Variants in BDKRB2 observed in about 807,000 individuals in gnomAD.
The protein encoded by BDKRB2 is bradykinin receptor B2, also known as B2 bradykinin receptor.
BDKRB2 carries 6 observed loss-of-function variants against 4.0 expected under a neutral mutation model. That is an observed-to-expected ratio of 1.49 (90% CI 0.81 to 2.93). The LOEUF is 2.93. BDKRB2 is among the 30% of genes most tolerant of loss of function. The pLI is 0.00. For synonymous variants in BDKRB2, 225 were observed against 215.3 expected (o/e 1.05, Z -0.40); for missense variants, 478 against 520.1 (o/e 0.92, Z 0.79).
In BDKRB2 at chr14:96,241,181, C is replaced by A; in HGVS notation, c.853C>A (p.Pro285Thr). The change falls in exon 3 of 3, where the codon CCC becomes ACC. Residue 285 changes from proline (P) to threonine (T), a missense_variant. Transcript: ENST00000554311. ...GCTGCTATTCATCATCTGCTGGCTGCCCTTCCAGATCAGCACCTTCCTGGA... is the reference window on the plus strand; with the variant it reads ...GCTGCTATTCATCATCTGCTGGCTGACCTTCCAGATCAGCACCTTCCTGGA... ...VLLLFIICWLPFQISTFLDTL... is the reference protein window; with the variant it reads ...VLLLFIICWLTFQISTFLDTL... 6.2e-7 allele frequency: 1 copy of A among 1,605,232 alleles called. No individual in the cohort carries two copies. Among genetic ancestry groups the A allele is most frequent in the Admixed American group, 1.7e-5 (1 of 59,802 alleles).
In BDKRB2 at chr14:96,240,964, C is replaced by T; in HGVS notation, c.636C>T (p.Val212=). 1.2e-5 allele frequency: 19 copies of T among 1,593,380 alleles called. No homozygotes were observed. The highest frequency in any genetic ancestry group is 1.6e-5 in the Non-Finnish European group (19 of 1,168,264). The change falls in exon 3 of 3, where the codon GTC becomes GTT. Residue 212 remains valine, a synonymous_variant. Transcript: ENST00000554311. ...AGGGCCACAACGTCACCGCTTGTGT[C>T]ATCAGCTACCCATCCCTCATCTGGG... ...SDEGHNVTAC[V]ISYPSLIWEV...
At chr14:96,225,216 T>C (rs1890665405) in intron 1 of BDKRB2, among the ~76,000 whole-genome samples, 1 of 152,104 alleles carries the variant, frequency 6.6e-6, no homozygotes, top group South Asian at 2.1e-4. Flanking sequence ...TCCAGAATCA[T>C]CTGTTACATC....
chr14:96,236,987 T>G, intron 1 of BDKRB2, 82 bp from the exon 2 acceptor site: 1 of 841,200 alleles, frequency 1.2e-6, no homozygotes, highest in South Asian at 1.5e-5. Flanking sequence ...GCAGTCTCCA[T>G]TTCTCCTCCC....
At chr14:96,238,781 C>T in intron 2 of BDKRB2, 1 of 985,858 alleles carries the variant, frequency 1.0e-6, no homozygotes, top group Non-Finnish European at 1.2e-6. Context: ...AACCCCTTAC[C>T]CACCAGCCCC....
intron 1 of BDKRB2, among the ~76,000 whole-genome samples, chr14:96,221,298 G>A (rs1324829164): frequency 2.0e-5 from 3 of 152,142 alleles, no homozygotes; most frequent in African/African-American, 7.2e-5. Context: ...TCATAAATTT[G>A]TTGAATGAAT....
chr14:96,236,710 C>T (rs1890942807), intron 1 of BDKRB2, among the ~76,000 whole-genome samples: 1 of 152,218 alleles, frequency 6.6e-6, no homozygotes, highest in Non-Finnish European at 1.5e-5. Flanking sequence ...TCCTCCTGCA[C>T]CATCATCCCT....
In BDKRB2 at chr14:96,217,970, C is replaced by G. The variant is rs75472007; in HGVS notation, c.-40+13011C>G. ...GTATGCAGAGTCACCCAGGTCCCCACTTACGAGCCTGTGAGATGGGATAAA... is the reference window on the plus strand; with the variant it reads ...GTATGCAGAGTCACCCAGGTCCCCAGTTACGAGCCTGTGAGATGGGATAAA... On this transcript the variant is annotated intron_variant, in intron 1 of 2. Transcript: ENST00000554311. Among the ~76,000 whole-genome samples, 683 of 152,238 alleles carry G rather than the reference C, an allele frequency of 4.5e-3. 5 individuals are homozygous for G. Among genetic ancestry groups the G allele is most frequent in the Non-Finnish European group, 8.0e-3 (547 of 68,030 alleles).
intron 1 of BDKRB2, among the ~76,000 whole-genome samples, chr14:96,232,694 T>C (rs1428785744): frequency 6.6e-6 from 1 of 152,150 alleles, no homozygotes; most frequent in Non-Finnish European, 1.5e-5. Context: ...ATTACGCACA[T>C]AGAAAGGCGT....
chr14:96,237,221 G>A (rs751477938), intron 2 of BDKRB2, 40 bp downstream of exon 2: 3 of 1,553,848 alleles, frequency 1.9e-6, no homozygotes, highest in African/African-American at 1.4e-5. Flanking sequence ...GTTAGGGGAG[G>A]TGGGCAGACA....
rs1054547791 is a variant in BDKRB2, at chr14:96,223,077, A to G, written c.-39-13992A>G. ...TGGGAGTTGCTTGGAGGTTGGCGGC[A>G]CAGGGCTGAAGGCTAGCAAACCGAG... is the stretch of plus-strand genomic sequence containing the variant. On this transcript the variant is annotated intron_variant, in intron 1 of 2. Transcript: ENST00000554311. The G allele has an allele frequency of 7.2e-6, 7 of 978,900 alleles. No homozygotes were observed. The African/African-American group carries it at 9.6e-5, about 13-fold the overall frequency. 60.6% of individuals were successfully genotyped at this position (978,900 alleles called of 1,614,324 possible).
intron 1 of BDKRB2, among the ~76,000 whole-genome samples, chr14:96,206,313 G>T (rs995963036): frequency 6.6e-6 from 1 of 152,136 alleles, no homozygotes; most frequent in Non-Finnish European, 1.5e-5. Flanking sequence ...CCTCATCCCA[G>T]CTCTCCCTGC....
intron 1 of BDKRB2, among the ~76,000 whole-genome samples, chr14:96,225,194 T>C (rs1016594747): frequency 1.3e-5 from 2 of 152,120 alleles, no homozygotes; most frequent in African/African-American, 4.8e-5. Context: ...ACATTACGGT[T>C]GTACAAAGGT....
rs369834011 is a variant in BDKRB2, at chr14:96,237,031, C to A, written c.-39-38C>A. ...AATGCGTGTATTTTGCAATCCCCAG[C>A]CCCTGTGCCATCTAACCATCTTTTC... is the stretch of plus-strand genomic sequence containing the variant. On this transcript the variant is annotated intron_variant, in intron 1 of 2. Coordinates refer to ENST00000554311, the MANE Select transcript of BDKRB2 (RefSeq NM_001379692.1). The A allele has an allele frequency of 8.9e-6, 11 of 1,239,840 alleles. No individual in the cohort carries two copies. In the Middle Eastern group the frequency reaches 5.6e-4, roughly 63 times the overall value. 76.8% of individuals were successfully genotyped at this position (1,239,840 alleles called of 1,614,324 possible).
At chr14:96,237,935 C>T (rs1890975954) in intron 2 of BDKRB2, 1 of 1,220,282 alleles carries the variant, frequency 8.2e-7, no homozygotes, top group African/African-American at 1.6e-5. Context: ...TGAGTTAGCT[C>T]ATGAAAGATG....
Position 96,204,895 on chromosome 14 carries a change from G to A in BDKRB2, c.-104G>A, listed in dbSNP as rs924484725. On this transcript the variant is annotated 5_prime_UTR_variant, in exon 1 of 3. Transcript: ENST00000554311. ...GGGTGGGGACGGTGGGGACGGTGGGGACATCAGGCTGCCCCGCAGTACCAG... is the reference window on the plus strand; with the variant it reads ...GGGTGGGGACGGTGGGGACGGTGGGAACATCAGGCTGCCCCGCAGTACCAG... 3 of 282,248 alleles carry A rather than the reference G, an allele frequency of 1.1e-5. No homozygotes were observed. Among genetic ancestry groups the A allele is most frequent in the African/African-American group, 2.4e-5 (1 of 42,268 alleles). 17.5% of individuals were successfully genotyped at this position (282,248 alleles called of 1,614,324 possible).
At chr14:96,205,313 C>T (rs1227146818) in intron 1 of BDKRB2, among the ~76,000 whole-genome samples, 1 of 152,096 alleles carries the variant, frequency 6.6e-6, no homozygotes, top group Non-Finnish European at 1.5e-5. Flanking sequence ...GCAGCAGGGA[C>T]GGGTGCTGGG....
intron 1 of BDKRB2, among the ~76,000 whole-genome samples, chr14:96,234,988 T>C (rs550632793): frequency 6.6e-6 from 1 of 152,288 alleles, no homozygotes; most frequent in Admixed American, 6.5e-5. Flanking sequence ...AGGCTGGTCT[T>C]CATTCTTCCC....
intron 1 of BDKRB2, among the ~76,000 whole-genome samples, chr14:96,213,128 T>G (rs1163730197): frequency 6.6e-6 from 1 of 152,208 alleles, no homozygotes; most frequent in Non-Finnish European, 1.5e-5. Context: ...ACCTCTCCTT[T>G]CTCACCTGTG....
At chr14:96,236,910 T>C (rs1308171056) in intron 1 of BDKRB2, among the ~76,000 whole-genome samples, 159 bp from the exon 2 acceptor site, 1 of 152,228 alleles carries the variant, frequency 6.6e-6, no homozygotes, top group African/African-American at 2.4e-5. Context: ...TGTCAGCTCC[T>C]AGCCATTGTA....
Sources: allele counts gnomAD v4.1 joint callset (sites outside exome capture counted in the v4.1 genomes callset), GRCh38; gene constraint gnomAD v4.1.1; transcripts MANE v1.5; gene names NCBI Gene and HGNC (gene_info 2026-07-23, HGNC 2026-07-21).